The following ENTHD1 variants were observed in gnomAD, a reference collection of about 807,000 sequenced individuals.
ENTHD1 encodes the protein ENTH domain containing 1.
A neutral mutation model predicts 39.1 loss-of-function variants in ENTHD1; 23 were observed. The ratio of observed to expected loss-of-function variants is 0.59; its 90% confidence interval spans 0.42 to 0.83. The LOEUF (loss-of-function observed/expected upper bound fraction) is 0.83. Ranked by LOEUF, ENTHD1 falls within the 40% of genes least tolerant of loss-of-function variation. The probability of loss-of-function intolerance (pLI) is 0.00; values close to 1 mark genes in which losing one functional copy is unlikely to be tolerated. For missense variants in ENTHD1, 624 were observed against 705.4 expected (o/e 0.88, Z 1.31); for synonymous variants, 230 against 258.2 (o/e 0.89, Z 1.05).
At chr22:39,779,362 C>A (rs551959284) in intron 5 of ENTHD1, among the ~76,000 whole-genome samples, 7 of 151,726 alleles carry the variant, frequency 4.6e-5, no homozygotes, top group East Asian at 1.9e-4. Flanking sequence ...AAAACCAAAA[C>A]CAAAAACAAA....
At chr22:39,825,256 CTTAAT>C (rs1034154605) in intron 4 of ENTHD1, among the ~76,000 whole-genome samples, 2 of 152,020 alleles carry the variant, frequency 1.3e-5, no homozygotes, top group African/African-American at 2.4e-5. Context: ...ATGGTATTGT[CTTAAT>C]TTAAGTTTCC....
Position 39,883,625 on chromosome 22 carries a change from C to T in ENTHD1, c.349+3775G>A, listed in dbSNP as rs190710250. Reference sequence around the variant, plus strand: ...AAGAAGTGAAACTATTTGTATATGACAGGATCTAGTATATAGATCAATATA... The same window carrying T: ...AAGAAGTGAAACTATTTGTATATGATAGGATCTAGTATATAGATCAATATA... On this transcript the variant is annotated intron_variant, in intron 2 of 6. Coordinates refer to ENST00000325157, the MANE Select transcript of ENTHD1 (RefSeq NM_152512.4). Among the ~76,000 whole-genome samples the T allele has an allele frequency of 1.7e-3, 261 of 151,962 alleles. 1 individual carries two copies. Among genetic ancestry groups the T allele is most frequent in the South Asian group, 7.3e-3 (35 of 4,808 alleles).
chr22:39,836,493 ATTATT>A (rs1353820804), intron 3 of ENTHD1, among the ~76,000 whole-genome samples: 1 of 152,162 alleles, frequency 6.6e-6, no homozygotes, highest in Admixed American at 6.5e-5. Context: ...GAGAACTGTA[ATTATT>A]TTAATTAATA....
At chr22:39,827,450 G>A (rs984577120) in intron 4 of ENTHD1, among the ~76,000 whole-genome samples, 10 of 152,156 alleles carry the variant, frequency 6.6e-5, no homozygotes, top group African/African-American at 2.4e-4. Context: ...GAACCAGGAA[G>A]TGGGCTAATT....
chr22:39,794,803 C>CAA (rs751655466), intron 5 of ENTHD1, among the ~76,000 whole-genome samples: 28 of 82,378 alleles, frequency 3.4e-4, no homozygotes, highest in African/African-American at 5.7e-4. Context: ...GACTCCATCT[C>CAA]AAAAAAAAAA....
chr22:39,765,583 T>C lies in ENTHD1; in HGVS notation c.859A>G (p.Ser287Gly). The C allele has an allele frequency of 6.2e-7, 1 of 1,612,820 alleles. No homozygotes were observed. Among genetic ancestry groups the C allele is most frequent in the South Asian group, 1.1e-5 (1 of 90,934 alleles). The stretch of plus-strand genomic sequence containing the variant: ...CTCACATCTCTCTGCCCAGAAGGAC[T>C]ATTTTCTGAGAGAGTAGGCACAGCA... ...ADAVPTLSENSPSGQRDVSLD... is the reference protein window; with the variant it reads ...ADAVPTLSENGPSGQRDVSLD... The change falls in exon 6 of 7, where the codon AGT becomes GGT. Residue 287 changes from serine (S) to glycine (G), a missense_variant. Transcript: ENST00000325157.
intron 2 of ENTHD1, among the ~76,000 whole-genome samples, chr22:39,885,734 C>T (rs569227292): frequency 1.3e-5 from 2 of 152,248 alleles, no homozygotes; most frequent in South Asian, 2.1e-4. Context: ...CACAAAATAA[C>T]AAATACTGTA....
At chr22:39,761,580 GAC>G (rs150411063) in intron 6 of ENTHD1, among the ~76,000 whole-genome samples, 14,851 of 151,988 alleles carry the variant, frequency 0.098, 847 homozygotes, top group Middle Eastern at 0.13. Flanking sequence ...CAGACTGCTT[GAC>G]ACTGTTTCAC....
intron 4 of ENTHD1, among the ~76,000 whole-genome samples, chr22:39,821,938 C>T (rs963346297): frequency 1.3e-5 from 2 of 152,180 alleles, no homozygotes; most frequent in African/African-American, 4.8e-5. Flanking sequence ...TCCCGAAGAT[C>T]CCGCCTCCTA....
rs1491292227 is a variant in ENTHD1, at chr22:39,784,540, GTA to G, written c.833-18933_833-18932del. ...AAGAAAATGCGCTCTCTCTCTCTCT[GTA>G]TACACACACACACACACACACACAC... On this transcript the variant is annotated intron_variant, in intron 5 of 6. Transcript: ENST00000325157. Among the ~76,000 whole-genome samples, 14 of 108,186 alleles carry G rather than the reference GTA, an allele frequency of 1.3e-4. No homozygotes were observed. In the East Asian group the frequency reaches 2.4e-3, roughly 18 times the overall value. The allele number at this position is 108,186 out of a possible 152,430, so 71.0% of individuals were successfully genotyped here.
intron 5 of ENTHD1, among the ~76,000 whole-genome samples, chr22:39,796,455 A>C (rs2065550543): frequency 6.6e-6 from 1 of 151,940 alleles, no homozygotes; most frequent in Non-Finnish European, 1.5e-5. Flanking sequence ...GAGATGGTGG[A>C]GGTGGGGTCT....
chr22:39,820,143 A>G (rs539364004), intron 5 of ENTHD1, among the ~76,000 whole-genome samples: 6 of 152,196 alleles, frequency 3.9e-5, no homozygotes, highest in Admixed American at 3.3e-4. Flanking sequence ...CTCTATAAAT[A>G]TGAACTTGAA....
intron 5 of ENTHD1, among the ~76,000 whole-genome samples, chr22:39,784,912 C>T (rs577395633): frequency 5.6e-4 from 85 of 152,086 alleles, no homozygotes; most frequent in African/African-American, 1.5e-3. Flanking sequence ...TATTTCAAAA[C>T]GGCTAGAAGA....
At chr22:39,824,036 G>C (rs1326798778) in intron 4 of ENTHD1, among the ~76,000 whole-genome samples, 2 of 151,992 alleles carry the variant, frequency 1.3e-5, no homozygotes, top group Non-Finnish European at 2.9e-5. Flanking sequence ...AAATGCTCCA[G>C]ATATTAGTCC....
intron 3 of ENTHD1, among the ~76,000 whole-genome samples, chr22:39,851,789 C>T (rs1044026773): frequency 2.6e-5 from 4 of 152,210 alleles, no homozygotes. Flanking sequence ...CTCACATGTA[C>T]TGTTCTTATT....
rs769100029 is a variant in ENTHD1 at position 39,821,014 on chromosome 22, C to T, written c.811G>A (p.Val271Ile). 5.0e-6 allele frequency: 8 copies of T among 1,613,204 alleles called. No homozygotes were observed. Residue 271 changes from valine (V) to isoleucine (I), a missense_variant, in exon 5 of 7, where the codon GTT becomes ATT. Physicochemically the swap from Val to Ile is conservative, Grantham distance 29. Transcript: ENST00000325157. ...TTACCTGCACCCGAAAGATTACAAACTTCTTCTGCTTCTGACAAGCAAGTG... is the reference window on the plus strand; with the variant it reads ...TTACCTGCACCCGAAAGATTACAAATTTCTTCTGCTTCTGACAAGCAAGTG... ...PITCLSEAEE[V>I]CNLSGADAVP...
intron 3 of ENTHD1, among the ~76,000 whole-genome samples, chr22:39,853,055 TAAC>T (rs1339743321): frequency 6.6e-6 from 1 of 152,192 alleles, no homozygotes; most frequent in Non-Finnish European, 1.5e-5. Context: ...TTGTAGGAAG[TAAC>T]AACATCAACG....
chr22:39,837,812 A>C (rs1246656549), intron 3 of ENTHD1, among the ~76,000 whole-genome samples: 1 of 152,236 alleles, frequency 6.6e-6, no homozygotes, highest in Non-Finnish European at 1.5e-5. Context: ...CCAATGCAAC[A>C]AACTCCTGAT....
intron 5 of ENTHD1, among the ~76,000 whole-genome samples, chr22:39,791,211 C>A (rs1188892268): frequency 1.4e-5 from 2 of 146,730 alleles, no homozygotes; most frequent in Non-Finnish European, 3.0e-5. Context: ...AGTCTAATAT[C>A]TTTAGACTAT....
Sources: gnomAD v4.1 joint callset for allele counts (sites outside exome capture counted in the v4.1 genomes callset) on GRCh38, gnomAD v4.1.1 for gene constraint, MANE v1.5 for transcripts, NCBI Gene and HGNC (gene_info 2026-07-23, HGNC 2026-07-21) for gene names.